Variants in TXNDC8 observed in about 807,000 individuals in gnomAD.
TXNDC8 encodes thioredoxin domain containing 8, also known as thioredoxin domain-containing protein 8.
A neutral mutation model predicts 12.9 loss-of-function variants in TXNDC8; 15 were observed. The ratio of observed to expected loss-of-function variants is 1.16; its 90% confidence interval spans 0.78 to 1.79. TXNDC8 has a LOEUF of 1.79. Ranked by LOEUF, TXNDC8 falls within the 40% of genes most tolerant of loss-of-function variation. The probability of loss-of-function intolerance (pLI) is 0.00; values close to 1 mark genes in which losing one functional copy is unlikely to be tolerated. For missense variants in TXNDC8, 128 were observed against 113.2 expected (o/e 1.13, Z -0.59); for synonymous variants, 40 against 35.4 (o/e 1.13, Z -0.46).
At chr9:110,317,534 G>A (rs1255153078) in intron 3 of TXNDC8, among the ~76,000 whole-genome samples, 1 of 152,182 alleles carries the variant, frequency 6.6e-6, no homozygotes, top group Admixed American at 6.5e-5. Flanking sequence ...AGATAGATCT[G>A]GAAGGCCATC....
At chr9:110,331,852 T>A (rs1349681851) in intron 2 of TXNDC8, among the ~76,000 whole-genome samples, 1 of 152,188 alleles carries the variant, frequency 6.6e-6, no homozygotes, top group African/African-American at 2.4e-5. Flanking sequence ...GCTCACCTCC[T>A]GCTGTGTGGC....
chr9:110,332,764 T>TTA (rs1839594118), intron 2 of TXNDC8, among the ~76,000 whole-genome samples: 1 of 152,220 alleles, frequency 6.6e-6, no homozygotes, highest in African/African-American at 2.4e-5. Flanking sequence ...TAAAATATTG[T>TTA]ATAGATATTA....
chr9:110,322,756 C>T, intron 3 of TXNDC8: 20 of 985,482 alleles, frequency 2.0e-5, no homozygotes, highest in Non-Finnish European at 2.4e-5. Context: ...GGTACCAGGA[C>T]AGAATCAGGA....
intron 3 of TXNDC8, among the ~76,000 whole-genome samples, chr9:110,310,192 TTGTG>T (rs921312480): frequency 8.2e-6 from 1 of 122,006 alleles, no homozygotes; most frequent in African/African-American, 3.0e-5. Flanking sequence ...TATAGGATCT[TTGTG>T]TGTGGTGTGT....
rs760555406 is a variant in TXNDC8 at position 110,314,096 on chromosome 9, CT to C, written c.196-9565del. On this transcript the variant is annotated intron_variant, in intron 3 of 4. Coordinates refer to ENST00000423740, the MANE Select transcript of TXNDC8 (RefSeq NM_001286946.2). The stretch of plus-strand genomic sequence containing the variant: ...CAAACTGCCTCCCATTCTATTCAAA[CT>C]CACCCCTCTGCTCACTGAGATAAAT... 3.1e-4 allele frequency among the ~76,000 whole-genome samples: 47 copies of C among 152,340 alleles called. No homozygotes were observed. The East Asian group carries it at 8.5e-3, about 28-fold the overall frequency.
chr9:110,334,749 C>A (rs1839682757), intron 1 of TXNDC8, among the ~76,000 whole-genome samples: 1 of 152,062 alleles, frequency 6.6e-6, no homozygotes, highest in Non-Finnish European at 1.5e-5. Context: ...GGGATGGGGG[C>A]TGGAGGGTGG....
At chr9:110,302,586 T>G (rs1838290992), downstream of TXNDC8, among the ~76,000 whole-genome samples, 1 of 134,542 alleles carries the variant, frequency 7.4e-6, no homozygotes, top group Non-Finnish European at 1.7e-5. Flanking sequence ...ATTAGTACGG[T>G]ACAGAAGAAG....
At chr9:110,311,521 G>GTATATATATATA (rs66474968) in intron 3 of TXNDC8, among the ~76,000 whole-genome samples, 10 of 41,244 alleles carry the variant, frequency 2.4e-4, no homozygotes, top group East Asian at 7.3e-4. Context: ...AAATAAAGAG[G>GTATATATATATA]TATATATATA....
At chr9:110,320,532 G>A (rs1839052321) in intron 3 of TXNDC8, among the ~76,000 whole-genome samples, 1 of 152,194 alleles carries the variant, frequency 6.6e-6, no homozygotes, top group Non-Finnish European at 1.5e-5. Flanking sequence ...TTAGCAGCAT[G>A]AGAACGGATT....
intron 3 of TXNDC8, chr9:110,323,713 T>C (rs745562011): frequency 2.5e-6 from 2 of 804,370 alleles, no homozygotes; most frequent in Admixed American, 3.1e-5. Context: ...CAGGCATGGA[T>C]AGATTCAGGG....
intron 3 of TXNDC8, among the ~76,000 whole-genome samples, chr9:110,325,571 AG>A (rs1839279767): frequency 7.5e-6 from 1 of 134,168 alleles, no homozygotes; most frequent in Non-Finnish European, 1.5e-5. Context: ...GGCTGGATGG[AG>A]TGCAGTGGCG....
chr9:110,305,572 TTC>T (rs1365878190), intron 3 of TXNDC8, among the ~76,000 whole-genome samples: 1 of 139,954 alleles, frequency 7.1e-6, no homozygotes, highest in Admixed American at 7.2e-5. Context: ...CTTTCTTTCT[TTC>T]TTTCTTTCTT....
At chr9:110,315,322 T>C (rs1309813225) in intron 3 of TXNDC8, among the ~76,000 whole-genome samples, 1 of 152,170 alleles carries the variant, frequency 6.6e-6, no homozygotes, top group Admixed American at 6.5e-5. Flanking sequence ...GGTCTCGAAC[T>C]CCTGACCTCA....
intron 3 of TXNDC8, among the ~76,000 whole-genome samples, chr9:110,308,573 A>G (rs1838546527): frequency 6.6e-6 from 1 of 152,144 alleles, no homozygotes. Flanking sequence ...ATGGGTAACA[A>G]GGCCTCTCTA....
intron 2 of TXNDC8, 126 bp from the exon 4 acceptor site, chr9:110,326,366 T>C: frequency 1.3e-6 from 1 of 780,296 alleles, no homozygotes; most frequent in South Asian, 1.7e-5. Context: ...CTTTACAGAC[T>C]CTCCTGCTAT....
intron 3 of TXNDC8, among the ~76,000 whole-genome samples, chr9:110,305,696 T>A (rs1465118890): frequency 7.9e-6 from 1 of 126,710 alleles, no homozygotes; most frequent in African/African-American, 3.1e-5. Context: ...CTTTCTCCTC[T>A]TTATATCTTT....
chr9:110,303,467 C>A, downstream of TXNDC8: 1 of 1,501,016 alleles, frequency 6.7e-7, no homozygotes, highest in Non-Finnish European at 9.0e-7. Flanking sequence ...AGCACAAACA[C>A]ATTTGCTCTT....
intron 3 of TXNDC8, chr9:110,323,306 C>T (rs746579068): frequency 8.2e-5 from 81 of 985,220 alleles, no homozygotes; most frequent in Non-Finnish European, 9.2e-5. Context: ...TTGACTATAA[C>T]AGGAGACAAG....
Position 110,334,243 on chromosome 9 carries a change from G to A in TXNDC8, c.102C>T (p.Pro34=). The change falls in exon 2 of 5, where the codon CCC becomes CCT. Residue 34 remains proline, a synonymous_variant. Transcript: ENST00000423740. Reference sequence around the variant, plus strand: ...GGAAAACAGGAAACATCCTTTTGCAGGGACCACACCGTTTCGAAGAAAATT... The same window carrying A: ...GGAAAACAGGAAACATCCTTTTGCAAGGACCACACCGTTTCGAAGAAAATT... 6 of 1,613,080 alleles carry A rather than the reference G, an allele frequency of 3.7e-6. No individual in the cohort carries two copies. Among genetic ancestry groups the A allele is most frequent in the Non-Finnish European group, 4.2e-6 (5 of 1,179,202 alleles).
Sources: allele counts gnomAD v4.1 joint callset (sites outside exome capture counted in the v4.1 genomes callset), GRCh38; gene constraint gnomAD v4.1.1; transcripts MANE v1.5; gene names NCBI Gene and HGNC (gene_info 2026-07-23, HGNC 2026-07-21).